ZBTB7C: variants seen among roughly 807,000 people sequenced by gnomAD.
ZBTB7C encodes zinc finger and BTB domain-containing protein 7C.
Under a neutral mutation model 25.7 loss-of-function variants are expected in ZBTB7C, and 8 were observed. The observed-to-expected ratio is 0.31, with a 90% CI of 0.18 to 0.56. The LOEUF is 0.56. Among genes scored for constraint, ZBTB7C ranks in the 20% least tolerant of loss-of-function variants. ZBTB7C has a pLI of 0.91. For synonymous variants in ZBTB7C, 394 were observed against 369.0 expected (o/e 1.07, Z -0.78); for missense variants, 824 against 855.2 (o/e 0.96, Z 0.46).
At chr18:48,332,728 A>G (rs1271338992) in intron 2 of ZBTB7C, among the ~76,000 whole-genome samples, 1 of 142,786 alleles carries the variant, frequency 7.0e-6, no homozygotes, top group Non-Finnish European at 1.5e-5. Flanking sequence ...TTACCAGGCA[A>G]GCCAGGGACC....
chr18:48,137,214 T>C (rs1479420935), intron 3 of ZBTB7C: 2 of 985,534 alleles, frequency 2.0e-6, no homozygotes, highest in Non-Finnish European at 2.4e-6. Context: ...CCAGAAGTAT[T>C]TGGCCGGGAG....
chr18:48,075,102 C>T (rs558813992), intron 3 of ZBTB7C, among the ~76,000 whole-genome samples: 7 of 152,318 alleles, frequency 4.6e-5, no homozygotes, highest in African/African-American at 1.4e-4. Flanking sequence ...GCAATTTCCC[C>T]AGGATACAGA....
At chr18:48,313,241 T>C (rs911453191) in intron 2 of ZBTB7C, among the ~76,000 whole-genome samples, 1 of 152,232 alleles carries the variant, frequency 6.6e-6, no homozygotes, top group African/African-American at 2.4e-5. Flanking sequence ...AGGGGCATCA[T>C]TCATAGGAAA....
chr18:48,403,371 C>T (rs1254254186), intron 1 of ZBTB7C, among the ~76,000 whole-genome samples: 2 of 152,202 alleles, frequency 1.3e-5, no homozygotes, highest in African/African-American at 2.4e-5. Context: ...TGGGCTATAC[C>T]TCTTGAATGT....
intron 1 of ZBTB7C, among the ~76,000 whole-genome samples, chr18:48,355,698 G>T (rs2046962892): frequency 6.6e-6 from 1 of 152,336 alleles, no homozygotes; most frequent in African/African-American, 2.4e-5. Flanking sequence ...CAATCCATGT[G>T]CTGCCTCATC....
chr18:48,052,185 C>G (rs2036713994), intron 3 of ZBTB7C, among the ~76,000 whole-genome samples: 1 of 152,212 alleles, frequency 6.6e-6, no homozygotes, highest in African/African-American at 2.4e-5. Flanking sequence ...GGAGATGTCC[C>G]CTTCTGGTGT....
At position 48,396,012 on chromosome 18, in the gene ZBTB7C, C is replaced by A. The variant is rs111776278; in HGVS notation, c.-304+13214G>T. Among the ~76,000 whole-genome samples the A allele has an allele frequency of 6.4e-3, 970 of 152,250 alleles. 14 individuals carry two copies. Among genetic ancestry groups the A allele is most frequent in the African/African-American group, 0.022 (914 of 41,536 alleles). ...GTCACAAGAAATTCCAGCAAAGCAACGGGGGTAGAACACAGGATGATTTAG... is the reference window on the plus strand; with the variant it reads ...GTCACAAGAAATTCCAGCAAAGCAAAGGGGGTAGAACACAGGATGATTTAG... On this transcript the variant is annotated intron_variant, in intron 1 of 4. Transcript: ENST00000590800.
At position 48,180,509 on chromosome 18, in the gene ZBTB7C, G is replaced by A. The variant is rs184452888; in HGVS notation, c.-17+5425C>T. On this transcript the variant is annotated intron_variant, in intron 3 of 4. Transcript: ENST00000590800. ...AGAGAGGGAAATGAAGCAGGCATGG[G>A]TGGTGTTTGGGAGGGATGGTTTCCT... 215 of 366,620 alleles carry A rather than the reference G, an allele frequency of 5.9e-4. 1 individual carries two copies. The highest frequency in any genetic ancestry group is 3.2e-3 in the Admixed American group (97 of 30,108). The allele number at this position is 366,620 out of a possible 1,614,324, so 22.7% of individuals were successfully genotyped here.
rs557030602 is a variant in ZBTB7C at position 48,334,527 on chromosome 18, A to G, written c.-79+3647T>C. On this transcript the variant is annotated intron_variant, in intron 2 of 4. Coordinates refer to ENST00000590800, the MANE Select transcript of ZBTB7C (RefSeq NM_001318841.2). ...TCAATAACATTTGATAACTCTATAA[A>G]GGACCTTCACATACACTATCTCATT... Among the ~76,000 whole-genome samples, 24 of 152,326 alleles carry G rather than the reference A, an allele frequency of 1.6e-4. 1 individual carries two copies. Among genetic ancestry groups the G allele is most frequent in the African/African-American group, 5.5e-4 (23 of 41,570 alleles).
At chr18:48,087,000 G>A (rs2038214118) in intron 3 of ZBTB7C, among the ~76,000 whole-genome samples, 2 of 152,206 alleles carry the variant, frequency 1.3e-5, no homozygotes, top group African/African-American at 2.4e-5. Context: ...TCCTCCCAGC[G>A]ATTCTGAGAA....
chr18:48,045,248 C>G (rs560210647), intron 3 of ZBTB7C, among the ~76,000 whole-genome samples: 41 of 152,354 alleles, frequency 2.7e-4, no homozygotes, highest in Middle Eastern at 6.8e-3. Flanking sequence ...GGAGACCACC[C>G]CAGCCCCAGG....
chr18:48,083,856 C>G, intron 3 of ZBTB7C: 1 of 985,408 alleles, frequency 1.0e-6, no homozygotes. Context: ...CTTACTTTCC[C>G]CTCCTATCTT....
intron 2 of ZBTB7C, among the ~76,000 whole-genome samples, chr18:48,213,807 A>G (rs916028367): frequency 3.3e-5 from 5 of 152,192 alleles, no homozygotes. Context: ...CTAAGAAGAA[A>G]CTGGCTAACG....
chr18:48,064,751 A>G (rs2037259096), intron 3 of ZBTB7C, among the ~76,000 whole-genome samples: 1 of 152,140 alleles, frequency 6.6e-6, no homozygotes, highest in African/African-American at 2.4e-5. Flanking sequence ...AAAAAATAAA[A>G]AAAGAAAAAT....
intron 2 of ZBTB7C, among the ~76,000 whole-genome samples, chr18:48,287,045 T>C (rs1020839546): frequency 3.3e-5 from 5 of 152,082 alleles, no homozygotes; most frequent in African/African-American, 9.7e-5. Context: ...CCAGAAGATA[T>C]AGAGCAGTTT....
chr18:48,278,366 G>A lies in ZBTB7C; in HGVS notation c.-79+59808C>T, dbSNP rs376605233. On this transcript the variant is annotated intron_variant, in intron 2 of 4. Transcript: ENST00000590800. ...CATGGGAGTGGCACCATCTTGGATCGTCTATCCCCAGTTGAGTAACCCAAG... is the reference window on the plus strand; with the variant it reads ...CATGGGAGTGGCACCATCTTGGATCATCTATCCCCAGTTGAGTAACCCAAG... Among the ~76,000 whole-genome samples the A allele has an allele frequency of 5.3e-5, 8 of 152,194 alleles. No homozygotes were observed. In the South Asian group the frequency reaches 6.2e-4, roughly 12 times the overall value.
rs530513321 is a variant in ZBTB7C at position 48,291,326 on chromosome 18, T to C, written c.-79+46848A>G. Among the ~76,000 whole-genome samples the C allele has an allele frequency of 4.5e-4, 69 of 152,034 alleles. 2 individuals carry two copies. The South Asian group carries it at 0.012, about 26-fold the overall frequency. On this transcript the variant is annotated intron_variant, in intron 2 of 4. Transcript: ENST00000590800. ...TGTTTGAGAACTACCTCTGGGGATA[T>C]AAAAGGAATGACAGCCGAATCTTCC... is the stretch of plus-strand genomic sequence containing the variant.
chr18:48,058,425 G>A (rs2037001124), intron 3 of ZBTB7C, among the ~76,000 whole-genome samples: 1 of 152,106 alleles, frequency 6.6e-6, no homozygotes, highest in Admixed American at 6.5e-5. Context: ...TCTGACCTGG[G>A]GTCTTTTTAA....
At chr18:48,211,260 C>A (rs1235178362) in intron 2 of ZBTB7C, among the ~76,000 whole-genome samples, 1 of 152,014 alleles carries the variant, frequency 6.6e-6, no homozygotes, top group Non-Finnish European at 1.5e-5. Flanking sequence ...GAGGAGAAAA[C>A]CTAGATGACC....
Sources: gnomAD v4.1 joint callset for allele counts (sites outside exome capture counted in the v4.1 genomes callset) on GRCh38, gnomAD v4.1.1 for gene constraint, MANE v1.5 for transcripts, NCBI Gene and HGNC (gene_info 2026-07-23, HGNC 2026-07-21) for gene names.